Variants in DEPDC5 observed in about 807,000 individuals in gnomAD.
DEPDC5 encodes the protein DEP domain containing 5, GATOR1 subcomplex subunit.
DEPDC5 carries 73 observed loss-of-function variants against 217.3 expected under a neutral mutation model. The ratio of observed to expected loss-of-function variants is 0.34; its 90% CI spans 0.28 to 0.41. The LOEUF (loss-of-function observed/expected upper bound fraction) is 0.41. Among genes scored for constraint, DEPDC5 ranks in the 10% least tolerant of loss-of-function variants. The pLI, the probability that DEPDC5 is intolerant of heterozygous loss-of-function variation, is 1.00. For synonymous variants in DEPDC5, 733 were observed against 756.7 expected (o/e 0.97, Z 0.51); for missense variants, 1,675 against 2,070.1 (o/e 0.81, Z 3.70).
chr22:31,876,809 T>C (rs556012166), intron 37 of DEPDC5, among the ~76,000 whole-genome samples: 1 of 152,288 alleles, frequency 6.6e-6, no homozygotes, highest in Admixed American at 6.5e-5. Flanking sequence ...AGGGAAAACT[T>C]TTTTAGCGTG....
intron 12 of DEPDC5, among the ~76,000 whole-genome samples, chr22:31,793,603 A>G (rs1442114066): frequency 6.6e-6 from 1 of 151,788 alleles, no homozygotes; most frequent in East Asian, 1.9e-4. Flanking sequence ...ACACAATTTC[A>G]CTCTCTCGCC....
chr22:31,766,531 A>T, intron 5 of DEPDC5, 54 bp from the exon 6 acceptor site: 1 of 1,573,162 alleles, frequency 6.4e-7, no homozygotes, highest in Non-Finnish European at 8.7e-7. Flanking sequence ...TTACCTTCTG[A>T]CTATAAAGTG....
intron 25 of DEPDC5, among the ~76,000 whole-genome samples, chr22:31,836,566 C>G (rs569509276): frequency 5.3e-5 from 8 of 152,176 alleles, no homozygotes; most frequent in Non-Finnish European, 1.2e-4. Flanking sequence ...GGCTGAGCTC[C>G]CCTCCTTTCC....
intron 29 of DEPDC5, chr22:31,844,802 G>T (rs1602364410): frequency 1.1e-5 from 5 of 468,356 alleles, no homozygotes; most frequent in East Asian, 4.5e-5. Flanking sequence ...CAATCCTCCT[G>T]CCTCGGCCTC....
chr22:31,906,285 A>G lies in DEPDC5; in HGVS notation c.4600A>G (p.Thr1534Ala), dbSNP rs1460542333. The G allele has an allele frequency of 1.2e-6, 2 of 1,613,916 alleles. No individual in the cohort carries two copies. Among genetic ancestry groups the G allele is most frequent in the South Asian group, 2.2e-5 (2 of 91,084 alleles). ...GCGGCGGCGGAACTCCACCAGCTCC[A>G]CCAACCAGAACATGTTCTGCGAGGA... ...QRRRRNSTSSTNQNMFCEERV... is the reference protein window; with the variant it reads ...QRRRRNSTSSANQNMFCEERV... The change falls in exon 43 of 43, where the codon ACC becomes GCC. Residue 1534 changes from threonine (T) to alanine (A), a missense_variant. Thr to Ala is a moderately conservative substitution (Grantham distance 58). Coordinates refer to ENST00000651528, the MANE Select transcript of DEPDC5 (RefSeq NM_001242896.3). The surrounding 1 kb of genome is among the most constrained non-coding windows in gnomAD (Gnocchi z 5.1).
At chr22:31,866,014 T>C (rs1188870066) in intron 33 of DEPDC5, among the ~76,000 whole-genome samples, 3 of 152,200 alleles carry the variant, frequency 2.0e-5, no homozygotes, top group African/African-American at 7.2e-5. Flanking sequence ...AGAGCTGGGC[T>C]GGCAGATCCA....
chr22:31,898,229 C>G (rs887608701), intron 40 of DEPDC5, among the ~76,000 whole-genome samples: 1 of 152,012 alleles, frequency 6.6e-6, no homozygotes, highest in African/African-American at 2.4e-5. Context: ...GCCTTTCCCT[C>G]TGGGAAAGGT....
intron 37 of DEPDC5, 102 bp from the exon 38 acceptor site, chr22:31,879,423 T>G: frequency 8.9e-7 from 1 of 1,126,752 alleles, no homozygotes; most frequent in Non-Finnish European, 1.3e-6. Context: ...GTCGGCTTCT[T>G]TTACTTAGCG....
intron 4 of DEPDC5, 106 bp from the exon 5 acceptor site, chr22:31,764,869 A>G: frequency 1.3e-6 from 1 of 775,608 alleles, no homozygotes; most frequent in Non-Finnish European, 2.2e-6. Flanking sequence ...TGCCCGTGTC[A>G]GATGATCAAT....
Position 31,817,185 on chromosome 22 carries a change from C to T in DEPDC5, c.1667-1837C>T, listed in dbSNP as rs2089224376. On this transcript the variant is annotated intron_variant, in intron 21 of 42. Coordinates refer to ENST00000651528, the MANE Select transcript of DEPDC5 (RefSeq NM_001242896.3). ...AGTGCAATGGCGTGATCTTGGCTCA[C>T]TGCAACCTCTGCCTCCCGGGTTCAA... The T allele has an allele frequency of 1.9e-5, 3 of 161,748 alleles. No individual in the cohort carries two copies. The South Asian group carries it at 4.7e-4, about 26-fold the overall frequency. 10.0% of individuals were successfully genotyped at this position (161,748 alleles called of 1,614,324 possible). A position where few individuals can be genotyped will look rare whatever the true frequency, so the allele number is the denominator to read the frequency against.
At chr22:31,889,352 G>T (rs2149353497) in intron 38 of DEPDC5, among the ~76,000 whole-genome samples, 1 of 152,238 alleles carries the variant, frequency 6.6e-6, no homozygotes, top group Admixed American at 6.5e-5. Context: ...AGTATCTTCA[G>T]CCTGTAACCA....
At chr22:31,856,155 G>A (rs9621352) in intron 31 of DEPDC5, among the ~76,000 whole-genome samples, 31,172 of 140,508 alleles carry the variant, frequency 0.22, 4,575 homozygotes, top group African/African-American at 0.41. Context: ...GGGCCAACGC[G>A]CACACACACA....
At chr22:31,764,885 T>A in intron 4 of DEPDC5, 90 bp from the exon 5 acceptor site, 1 of 913,340 alleles carries the variant, frequency 1.1e-6, no homozygotes, top group Non-Finnish European at 1.8e-6. Flanking sequence ...TCAATTGTGT[T>A]GCTTACTGAG....
At chr22:31,877,983 C>T (rs775680852) in intron 37 of DEPDC5, among the ~76,000 whole-genome samples, 3 of 151,526 alleles carry the variant, frequency 2.0e-5, no homozygotes, top group Admixed American at 6.6e-5. Context: ...GTCAAGAGAT[C>T]GAGACCATCC....
intron 34 of DEPDC5, among the ~76,000 whole-genome samples, chr22:31,871,664 C>G (rs1420725265): frequency 2.6e-5 from 4 of 152,198 alleles, no homozygotes; most frequent in Non-Finnish European, 5.9e-5. Flanking sequence ...AATCTGCTTC[C>G]TCATTGCTTA....
chr22:31,758,434 C>A, intron 2 of DEPDC5, 112 bp from the exon 3 acceptor site: 1 of 872,702 alleles, frequency 1.1e-6, no homozygotes, highest in Non-Finnish European at 1.9e-6. Context: ...AGAACCTCAT[C>A]TGTCAATGGG....
chr22:31,830,974 G>T (rs2090553854), intron 24 of DEPDC5: 1 of 151,484 alleles, frequency 6.6e-6, no homozygotes, highest in Non-Finnish European at 1.5e-5. Context: ...AGCTAAATAA[G>T]AAAATCCACC....
chr22:31,783,265 G>A (rs2084642743), intron 8 of DEPDC5, among the ~76,000 whole-genome samples: 1 of 152,124 alleles, frequency 6.6e-6, no homozygotes, highest in Admixed American at 6.6e-5. Context: ...TGGAAGCCTT[G>A]TTCTTTTGCT....
chr22:31,760,928 T>C (rs920594760), intron 4 of DEPDC5, among the ~76,000 whole-genome samples: 1 of 152,114 alleles, frequency 6.6e-6, no homozygotes, highest in Admixed American at 6.5e-5. Context: ...CAGTGAACCT[T>C]GTATCTGACA....
Sources: allele counts gnomAD v4.1 joint callset (sites outside exome capture counted in the v4.1 genomes callset), GRCh38; gene constraint gnomAD v4.1.1; non-coding constraint Gnocchi (gnomAD v3.1); transcripts MANE v1.5; gene names NCBI Gene and HGNC (gene_info 2026-07-23, HGNC 2026-07-21).